The following CYP39A1 variants were observed in gnomAD, a reference collection of about 807,000 sequenced individuals.
The protein encoded by CYP39A1 is 24-hydroxycholesterol 7-alpha-hydroxylase.
CYP39A1 carries 49 observed loss-of-function variants against 58.1 expected under a neutral mutation model. The observed-to-expected ratio is 0.84, with a 90% CI of 0.67 to 1.07. CYP39A1 has a LOEUF of 1.07. Ranked by LOEUF, CYP39A1 falls within the 50% of genes least tolerant of loss-of-function variation. The pLI is 0.00. For missense variants in CYP39A1, 531 were observed against 539.4 expected, an observed-to-expected ratio of 0.98 and a Z score of 0.16; for synonymous variants, 209 against 187.6, an observed-to-expected ratio of 1.11 and a Z score of -0.93.
Position 46,553,858 on chromosome 6 carries a change from G to C in CYP39A1, c.1251-4C>G. 1 of 1,562,156 alleles carries C rather than the reference G, an allele frequency of 6.4e-7. No homozygotes were observed. Among genetic ancestry groups the C allele is most frequent in the Non-Finnish European group, 8.7e-7 (1 of 1,144,732 alleles). On this transcript the variant is annotated splice_region_variant and splice_polypyrimidine_tract_variant and intron_variant, in intron 10 of 11. Coordinates refer to ENST00000275016, the MANE Select transcript of CYP39A1 (RefSeq NM_016593.5). ...AACCTCTAACAGAGCAAACCACCTG[G>C]AAGAAACGAATAAAATTGTTACTTG...
At chr6:46,575,812 G>C (rs553875982) in intron 10 of CYP39A1, among the ~76,000 whole-genome samples, 5 of 152,312 alleles carry the variant, frequency 3.3e-5, no homozygotes, top group Non-Finnish European at 5.9e-5. Flanking sequence ...CAGGAGTGAT[G>C]AGCTGAGCCT....
chr6:46,553,243 A>G (rs935666199), intron 11 of CYP39A1, among the ~76,000 whole-genome samples: 1 of 152,206 alleles, frequency 6.6e-6, no homozygotes, highest in Non-Finnish European at 1.5e-5. Context: ...ATCTATGAGA[A>G]TAGATCTACA....
At chr6:46,555,662 T>C (rs1430295915) in intron 10 of CYP39A1, among the ~76,000 whole-genome samples, 1 of 152,190 alleles carries the variant, frequency 6.6e-6, no homozygotes, top group Non-Finnish European at 1.5e-5. Flanking sequence ...ACTACAGCCT[T>C]CACAAAAAGC....
At chr6:46,609,946 C>T (rs1166221230) in intron 7 of CYP39A1, among the ~76,000 whole-genome samples, 1 of 152,002 alleles carries the variant, frequency 6.6e-6, no homozygotes, top group Non-Finnish European at 1.5e-5. Context: ...ATAGAAAATT[C>T]AAGGAAGAGG....
intron 10 of CYP39A1, among the ~76,000 whole-genome samples, chr6:46,569,956 T>A (rs1231814204): frequency 6.6e-6 from 1 of 152,116 alleles, no homozygotes; most frequent in East Asian, 1.9e-4. Context: ...ATTCTTTAAA[T>A]GTTCAGTAAA....
chr6:46,629,771 T>C (rs3799865), intron 6 of CYP39A1, among the ~76,000 whole-genome samples: 2,646 of 152,306 alleles, frequency 0.017, 30 homozygotes, highest in Middle Eastern at 0.041. Context: ...TCCTCCTGTT[T>C]AGTAGAAAAC....
chr6:46,557,933 C>CAA (rs1186594398), intron 10 of CYP39A1, among the ~76,000 whole-genome samples: 506 of 37,478 alleles, frequency 0.014, 31 homozygotes, highest in African/African-American at 0.039. Flanking sequence ...GACTCCATCT[C>CAA]AAAAAAAAAA....
intron 10 of CYP39A1, among the ~76,000 whole-genome samples, chr6:46,573,952 A>G (rs1044880045): frequency 1.3e-5 from 2 of 152,228 alleles, no homozygotes; most frequent in Admixed American, 6.5e-5. Context: ...TAAGGGAATT[A>G]CATTACTGAG....
At chr6:46,575,711 C>T (rs895484570) in intron 10 of CYP39A1, among the ~76,000 whole-genome samples, 3 of 152,258 alleles carry the variant, frequency 2.0e-5, no homozygotes, top group East Asian at 1.9e-4. Flanking sequence ...ACACCTCAAA[C>T]GCTCCAGCAC....
chr6:46,650,512 T>TTC (rs1762617770), intron 1 of CYP39A1, among the ~76,000 whole-genome samples: 2 of 131,530 alleles, frequency 1.5e-5, no homozygotes, highest in African/African-American at 5.9e-5. Context: ...TTTTTTTTTT[T>TTC]TTTTTTTAAG....
chr6:46,598,853 C>T (rs1464093197), intron 7 of CYP39A1, among the ~76,000 whole-genome samples: 1 of 152,104 alleles, frequency 6.6e-6, no homozygotes, highest in African/African-American at 2.4e-5. Context: ...GAATGACACA[C>T]AAACTTAGAG....
intron 8 of CYP39A1, among the ~76,000 whole-genome samples, chr6:46,595,134 A>T (rs551286416): frequency 6.6e-6 from 1 of 152,168 alleles, no homozygotes; most frequent in East Asian, 1.9e-4. Flanking sequence ...CTCCTGTAGA[A>T]TGGCTATATC....
intron 10 of CYP39A1, among the ~76,000 whole-genome samples, chr6:46,560,662 C>A (rs1376752583): frequency 2.6e-5 from 4 of 152,036 alleles, no homozygotes; most frequent in Non-Finnish European, 4.4e-5. Context: ...AGGAAGGATT[C>A]ATTCAGGGTC....
intron 10 of CYP39A1, among the ~76,000 whole-genome samples, chr6:46,560,569 T>G (rs1002767482): frequency 6.6e-6 from 1 of 152,144 alleles, no homozygotes; most frequent in African/African-American, 2.4e-5. Context: ...GTTTTGGACT[T>G]AAGTACAGCT....
chr6:46,626,545 A>G (rs1259341563), intron 6 of CYP39A1, among the ~76,000 whole-genome samples: 1 of 152,176 alleles, frequency 6.6e-6, no homozygotes, highest in African/African-American at 2.4e-5. Flanking sequence ...GCCAAATTCA[A>G]TACTGTTCAT....
intron 1 of CYP39A1, among the ~76,000 whole-genome samples, chr6:46,651,009 T>A (rs1762651184): frequency 1.3e-5 from 2 of 152,204 alleles, no homozygotes; most frequent in African/African-American, 4.8e-5. Context: ...TTGCAAAGAA[T>A]TATGGTATTC....
chr6:46,575,818 A>C (rs1771817113), intron 10 of CYP39A1, among the ~76,000 whole-genome samples: 1 of 152,200 alleles, frequency 6.6e-6, no homozygotes, highest in Admixed American at 6.5e-5. Flanking sequence ...TGATGAGCTG[A>C]GCCTTGGGCC....
At chr6:46,562,740 G>T (rs913472153) in intron 10 of CYP39A1, among the ~76,000 whole-genome samples, 7 of 151,926 alleles carry the variant, frequency 4.6e-5, no homozygotes, top group Admixed American at 1.3e-4. Flanking sequence ...AAAAAGATTA[G>T]AAATAATATT....
intron 5 of CYP39A1, among the ~76,000 whole-genome samples, chr6:46,632,964 T>C (rs1014323800): frequency 6.6e-6 from 1 of 151,920 alleles, no homozygotes; most frequent in African/African-American, 2.4e-5. Context: ...AAATACATTA[T>C]AAAATAGAGA....
Sources: gnomAD v4.1 joint callset for allele counts (sites outside exome capture counted in the v4.1 genomes callset) on GRCh38, gnomAD v4.1.1 for gene constraint, MANE v1.5 for transcripts, NCBI Gene and HGNC (gene_info 2026-07-23, HGNC 2026-07-21) for gene names.